Variants in ZFHX3 observed in about 807,000 individuals in gnomAD.
ZFHX3 encodes the protein zinc finger homeobox protein 3.
Under a neutral mutation model 279.1 loss-of-function variants are expected in ZFHX3, and 42 were observed. That is an observed-to-expected ratio of 0.15 (90% CI 0.12 to 0.19). ZFHX3 has a LOEUF of 0.19. Ranked by LOEUF, ZFHX3 falls within the 10% of genes least tolerant of loss-of-function variation. The pLI is 1.00. For missense variants in ZFHX3, 4,981 were observed against 4,754.0 expected, an observed-to-expected ratio of 1.05 and a Z score of -1.40; for synonymous variants, 2,293 against 1,957.8, an observed-to-expected ratio of 1.17 and a Z score of -4.52.
chr16:73,057,169 C>T (rs951536505), intron 1 of ZFHX3, among the ~76,000 whole-genome samples: 1 of 152,118 alleles, frequency 6.6e-6, no homozygotes, highest in Non-Finnish European at 1.5e-5. Flanking sequence ...TTGAAAGCAA[C>T]AAGGGGGAAA....
chr16:73,775,830 GC>G (rs1454786021), intron 1 of ZFHX3, among the ~76,000 whole-genome samples: 1 of 152,090 alleles, frequency 6.6e-6, no homozygotes, highest in Non-Finnish European at 1.5e-5. Context: ...AAGTGATGGG[GC>G]CCCCAGTAGA....
chr16:72,931,694 G>A (rs756529005), intron 3 of ZFHX3, among the ~76,000 whole-genome samples: 3 of 152,126 alleles, frequency 2.0e-5, no homozygotes, highest in Non-Finnish European at 4.4e-5. Flanking sequence ...AGTGAAGGGA[G>A]ATTGGGATGA....
chr16:72,936,407 T>C (rs538149292), intron 3 of ZFHX3, among the ~76,000 whole-genome samples: 133 of 152,320 alleles, frequency 8.7e-4, no homozygotes, highest in Middle Eastern at 3.4e-3. Context: ...ACTAAATTAA[T>C]GAACAGACAA....
intron 1 of ZFHX3, among the ~76,000 whole-genome samples, chr16:73,785,593 T>C (rs1227487992): frequency 6.6e-6 from 1 of 152,188 alleles, no homozygotes; most frequent in East Asian, 1.9e-4. Flanking sequence ...AGTTCTTTTT[T>C]TAGGTTTCCA....
chr16:73,756,430 T>C (rs1006984994), intron 1 of ZFHX3, among the ~76,000 whole-genome samples: 2 of 152,142 alleles, frequency 1.3e-5, no homozygotes, highest in Admixed American at 1.3e-4. Context: ...TTTTGGTCCG[T>C]GCCGGGCCTG....
At chr16:73,067,831 C>T (rs1371930669) in intron 8 of ZFHX3, among the ~76,000 whole-genome samples, 1 of 152,160 alleles carries the variant, frequency 6.6e-6, no homozygotes, top group African/African-American at 2.4e-5. Context: ...AGGTGGAAAG[C>T]TTCCCCCAAA....
chr16:73,302,016 G>T (rs555849428), intron 4 of ZFHX3, among the ~76,000 whole-genome samples: 87 of 151,660 alleles, frequency 5.7e-4, no homozygotes, highest in Non-Finnish European at 1.0e-3. Context: ...CCACACACGG[G>T]GACACCCTCT....
At chr16:73,486,832 T>C (rs1567498762) in intron 2 of ZFHX3, 2 of 456,082 alleles carry the variant, frequency 4.4e-6, no homozygotes, top group Non-Finnish European at 8.8e-6. Context: ...CTCTGCACTT[T>C]AGGGTCTCAG....
chr16:73,886,308 A>G (rs1283942726), intron 1 of ZFHX3, among the ~76,000 whole-genome samples: 1 of 152,200 alleles, frequency 6.6e-6, no homozygotes, highest in East Asian at 1.9e-4. Context: ...AAGAGGGAAA[A>G]AAAAACACCA....
chr16:73,776,610 T>C (rs998659884), intron 1 of ZFHX3, among the ~76,000 whole-genome samples: 2 of 152,144 alleles, frequency 1.3e-5, no homozygotes, highest in Admixed American at 1.3e-4. Flanking sequence ...AATCATAATA[T>C]TGCTGAAGTG....
intron 1 of ZFHX3, among the ~76,000 whole-genome samples, chr16:73,857,290 C>T (rs1224225324): frequency 1.3e-5 from 2 of 152,006 alleles, no homozygotes; most frequent in African/African-American, 4.8e-5. Context: ...TATACTGAAA[C>T]CCAAAATGTG....
At position 72,794,991 on chromosome 16, in the gene ZFHX3, T is replaced by G. The variant is rs141564201; in HGVS notation, c.7691A>C (p.Gln2564Pro). The G allele has an allele frequency of 5.6e-6, 9 of 1,613,886 alleles. No homozygotes were observed. The highest frequency in any genetic ancestry group is 2.2e-5 in the East Asian group (1 of 44,878). The change falls in exon 9 of 10, where the codon CAG (glutamine) becomes CCG (proline). Residue 2564 changes from glutamine to proline, a missense_variant. Gln to Pro is a moderately conservative substitution (Grantham distance 76, BLOSUM62 -1). Transcript: ENST00000268489. The surrounding 1 kb of genome is among the most constrained non-coding windows in gnomAD (Gnocchi z 4.2). Reference sequence around the variant, plus strand: ...CATATCCAGGGACCTGTCCAAAAACTGGGGGTGGATGAACTGGTTCTGCGC... The same window carrying G: ...CATATCCAGGGACCTGTCCAAAAACGGGGGGTGGATGAACTGGTTCTGCGC... ...LSAQNQFIHP[Q>P]FLDRSLDMPF... is the part of the protein sequence containing the mutation.
At chr16:72,887,122 T>A (rs993648926) in intron 4 of ZFHX3, among the ~76,000 whole-genome samples, 6 of 152,150 alleles carry the variant, frequency 3.9e-5, no homozygotes, top group African/African-American at 1.2e-4. Context: ...TATCCCATCA[T>A]TTGGGAATTG....
chr16:73,596,651 TGGTTAGGATAA>T (rs1567528899), intron 2 of ZFHX3, among the ~76,000 whole-genome samples: 1 of 152,184 alleles, frequency 6.6e-6, no homozygotes, highest in African/African-American at 2.4e-5. Flanking sequence ...AAGCTTTCCA[TGGTTAGGATAA>T]GCATTTCTCC....
chr16:73,632,397 T>C (rs1721536389), intron 2 of ZFHX3, among the ~76,000 whole-genome samples: 1 of 152,098 alleles, frequency 6.6e-6, no homozygotes, highest in African/African-American at 2.4e-5. Context: ...CAGAAAGTCA[T>C]ATGAGCCGGG....
At chr16:73,390,388 C>G (rs958441821) in intron 3 of ZFHX3, among the ~76,000 whole-genome samples, 2 of 152,162 alleles carry the variant, frequency 1.3e-5, no homozygotes, top group Admixed American at 6.5e-5. Flanking sequence ...TGCTGTCTTT[C>G]TGGAGCAGCA....
chr16:72,917,493 G>A (rs2039470545), intron 3 of ZFHX3, among the ~76,000 whole-genome samples: 1 of 152,176 alleles, frequency 6.6e-6, no homozygotes, highest in Non-Finnish European at 1.5e-5. Context: ...CTGGAAACAA[G>A]CCGACTATCA....
intron 5 of ZFHX3, among the ~76,000 whole-genome samples, chr16:73,239,964 A>G (rs1477979634): frequency 6.6e-6 from 1 of 152,072 alleles, no homozygotes; most frequent in East Asian, 1.9e-4. Context: ...TTCATCAATG[A>G]ATCAATACAG....
At chr16:72,882,977 GGTGTGTGTGTGTGTGTGTGTGTGTGTGT>G (rs56328056) in intron 4 of ZFHX3, among the ~76,000 whole-genome samples, 94 of 65,440 alleles carry the variant, frequency 1.4e-3, no homozygotes, top group African/African-American at 1.8e-3. Flanking sequence ...ACCACTCTGG[GGTGTGTGTGTGTGTGTGTGTGTGTGTGT>G]GTGTGTGTGT....
Sources: gnomAD v4.1 joint callset for allele counts (sites outside exome capture counted in the v4.1 genomes callset) on GRCh38, gnomAD v4.1.1 for gene constraint, Gnocchi (gnomAD v3.1) non-coding constraint, MANE v1.5 for transcripts, NCBI Gene and HGNC (gene_info 2026-07-23, HGNC 2026-07-21) for gene names.